SNX14: variants seen among roughly 807,000 people sequenced by gnomAD.
SNX14 encodes sorting nexin-14.
In SNX14, 93 loss-of-function variants were observed where a neutral mutation model predicts 133.8. The observed-to-expected ratio is 0.70, with a 90% confidence interval of 0.59 to 0.83. The LOEUF (loss-of-function observed/expected upper bound fraction) is 0.83. SNX14 is among the 40% of genes least tolerant of loss of function. SNX14 has a pLI of 0.00. For synonymous variants in SNX14, 368 were observed against 365.6 expected (o/e 1.01, Z -0.07); for missense variants, 945 against 1,094.9 (o/e 0.86, Z 1.93).
intron 4 of SNX14, among the ~76,000 whole-genome samples, chr6:85,570,651 G>A (rs1237694687): frequency 2.0e-5 from 3 of 151,912 alleles, no homozygotes; most frequent in Admixed American, 1.3e-4. Context: ...TCAGGAGTTC[G>A]AGACCAGCCT....
intron 26 of SNX14, among the ~76,000 whole-genome samples, chr6:85,511,755 T>C (rs965520508): frequency 4.9e-4 from 74 of 152,366 alleles, no homozygotes; most frequent in African/African-American, 1.8e-3. Context: ...TAAATCCCAC[T>C]TGGTGTATAA....
chr6:85,511,164 T>C (rs1295561965), intron 26 of SNX14, among the ~76,000 whole-genome samples: 1 of 149,130 alleles, frequency 6.7e-6, no homozygotes, highest in Non-Finnish European at 1.5e-5. Context: ...AGTATTCCAC[T>C]TTTGGGGGTG....
Position 85,518,051 on chromosome 6 carries a change from G to A in SNX14, c.2108-3C>T. On this transcript the variant is annotated splice_region_variant and splice_polypyrimidine_tract_variant and intron_variant, in intron 21 of 28. Transcript: ENST00000314673. ...AGGAACAGATTTTATAATTTTCCCT[G>A]CAATTAAAAGTAAAACATTATTTTA... is the stretch of plus-strand genomic sequence containing the variant. 2 of 1,600,202 alleles carry A rather than the reference G, an allele frequency of 1.2e-6. No individual in the cohort carries two copies. Among genetic ancestry groups the A allele is most frequent in the Non-Finnish European group, 1.7e-6 (2 of 1,171,382 alleles).
chr6:85,513,753 C>A, intron 26 of SNX14, 47 bp downstream of exon 26: 1 of 1,400,474 alleles, frequency 7.1e-7, no homozygotes, highest in Non-Finnish European at 1.0e-6. Context: ...GTGACCTCAA[C>A]GGACTGCTAA....
chr6:85,514,081 G>A lies in SNX14; in HGVS notation c.2546C>T (p.Thr849Ile). ...TAGAAAATACAAACCTCTGAGAAGT[G>A]TTATGAGTGAGACCAAACGGTGCTC... ...FQEHRLVSLI[T>I]LLRDAIFCEN... Residue 849 changes from threonine (T) to isoleucine (I), a missense_variant, in exon 25 of 29, where the codon ACA becomes ATA. Physicochemically the swap from Thr to Ile is moderately conservative, Grantham distance 89 (BLOSUM62 -1). Around this residue, in one of 3 missense-constraint regions of SNX14, gnomAD observed 412 missense variants for 516.6 expected, o/e 0.80. Coordinates refer to ENST00000314673, the MANE Select transcript of SNX14 (RefSeq NM_153816.6). 1.2e-6 allele frequency: 2 copies of A among 1,611,914 alleles called. No homozygotes were observed. Among genetic ancestry groups the A allele is most frequent in the Non-Finnish European group, 8.5e-7 (1 of 1,179,374 alleles).
chr6:85,548,279 A>T (rs182176556), intron 9 of SNX14, 22 bp downstream of exon 9: 31 of 1,505,378 alleles, frequency 2.1e-5, no homozygotes, highest in Admixed American at 1.2e-4. Context: ...GTAACAATTT[A>T]AAAAAAAATC....
chr6:85,545,403 C>T (rs993313278), intron 12 of SNX14, among the ~76,000 whole-genome samples: 2 of 151,992 alleles, frequency 1.3e-5, no homozygotes, highest in Admixed American at 6.6e-5. Flanking sequence ...AAACTATGTG[C>T]TGCTTACTAG....
At position 85,514,091 on chromosome 6, in the gene SNX14, A is replaced by G; in HGVS notation, c.2536T>C (p.Ser846Pro). ...AAACCTCTGAGAAGTGTTATGAGTGAGACCAAACGGTGCTCCTGAAATAGC... is the reference window on the plus strand; with the variant it reads ...AAACCTCTGAGAAGTGTTATGAGTGGGACCAAACGGTGCTCCTGAAATAGC... ...EQLFQEHRLVSLITLLRDAIF... is the reference protein window; with the variant it reads ...EQLFQEHRLVPLITLLRDAIF... The change falls in exon 25 of 29, where the codon TCA becomes CCA. Residue 846 changes from serine (S) to proline (P), a missense_variant. Transcript: ENST00000314673. The G allele has an allele frequency of 1.2e-6, 2 of 1,613,094 alleles. No individual in the cohort carries two copies. The highest frequency in any genetic ancestry group is 2.2e-5 in the South Asian group (2 of 90,768).
At chr6:85,568,870 C>A (rs998231323) in intron 4 of SNX14, among the ~76,000 whole-genome samples, 1 of 152,064 alleles carries the variant, frequency 6.6e-6, no homozygotes, top group Non-Finnish European at 1.5e-5. Context: ...CAGACTAGAA[C>A]GAGTTATCAT....
At chr6:85,563,762 T>C (rs760504840) in intron 6 of SNX14, among the ~76,000 whole-genome samples, 11 of 152,146 alleles carry the variant, frequency 7.2e-5, no homozygotes, top group Admixed American at 1.3e-4. Context: ...AACTGGAACA[T>C]GACTTTTTTC....
At position 85,530,088 on chromosome 6, in the gene SNX14, T is replaced by C. The variant is rs968804043; in HGVS notation, c.1894+104A>G. 16 of 645,182 alleles carry C rather than the reference T, an allele frequency of 2.5e-5. No homozygotes were observed. In the African/African-American group the frequency reaches 3.0e-4, roughly 12 times the overall value. The allele number at this position is 645,182 out of a possible 1,614,324, so 40.0% of individuals were successfully genotyped here. On this transcript the variant is annotated intron_variant, in intron 19 of 28. Transcript: ENST00000314673. Reference sequence around the variant, plus strand: ...GTATACACAAGCATCAATGTTGTATTTCTTGTATTTCAATTACTTAAAATA... The same window carrying C: ...GTATACACAAGCATCAATGTTGTATCTCTTGTATTTCAATTACTTAAAATA...
chr6:85,535,365 AAC>A (rs1473402324), intron 17 of SNX14, among the ~76,000 whole-genome samples: 1 of 152,054 alleles, frequency 6.6e-6, no homozygotes, highest in Admixed American at 6.5e-5. Context: ...CTGTAGTCTC[AAC>A]ACTTTGGGAC....
Position 85,517,812 on chromosome 6 carries a change from T to C in SNX14, c.2212A>G (p.Lys738Glu). Reference sequence around the variant, plus strand: ...ATGGTCAGTTCTGGTCTACTTGGTTTAGGCTTTGGAGACTCACAAGAATTA... The same window carrying C: ...ATGGTCAGTTCTGGTCTACTTGGTTCAGGCTTTGGAGACTCACAAGAATTA... ...FINSCESPKP[K>E]PSRPELTILS... Residue 738 changes from lysine (K) to glutamate (E), a missense_variant, in exon 23 of 29, where the codon AAA (lysine) becomes GAA (glutamate). Physicochemically the swap from Lys to Glu is moderately conservative, Grantham distance 56. Transcript: ENST00000314673. 2 of 1,612,192 alleles carry C rather than the reference T, an allele frequency of 1.2e-6. No individual in the cohort carries two copies. The highest frequency in any genetic ancestry group is 2.2e-5 in the South Asian group (2 of 90,488).
chr6:85,544,502 T>G (rs1784866672), intron 12 of SNX14, among the ~76,000 whole-genome samples: 2 of 152,142 alleles, frequency 1.3e-5, no homozygotes, highest in African/African-American at 4.8e-5. Context: ...CCAGGAATTT[T>G]CAAAATTGAT....
chr6:85,508,042 TA>T lies in SNX14; in HGVS notation c.2670del (p.Cys890Ter), dbSNP rs774694340. 65 of 1,612,764 alleles carry T rather than the reference TA, an allele frequency of 4.0e-5. No individual in the cohort carries two copies. The highest frequency in any genetic ancestry group is 5.4e-5 in the Non-Finnish European group (64 of 1,179,348). ...MNYIPDLLVK[C>X]IGEETKYESI... is the part of the protein sequence containing the mutation. ...CTTTCATACTTGGTTTCTTCACCAA[TA>T]CACTTGACTAACAGATCTAAACAAA... On this transcript the variant is annotated frameshift_variant, in exon 27 of 29. Coordinates refer to ENST00000314673, the MANE Select transcript of SNX14 (RefSeq NM_153816.6). LOFTEE classifies it high-confidence loss of function.
intron 3 of SNX14, 24 bp downstream of exon 3, chr6:85,572,274 C>G: frequency 1.2e-6 from 2 of 1,610,962 alleles, no homozygotes; most frequent in Non-Finnish European, 1.7e-6. Flanking sequence ...GAAGGATCAA[C>G]AAATAAAAAA....
At chr6:85,508,318 A>C in intron 26 of SNX14, 1 of 976,764 alleles carries the variant, frequency 1.0e-6, no homozygotes, top group Non-Finnish European at 1.2e-6. Context: ...GAAATGCTGC[A>C]GTAAAAAAAA....
chr6:85,565,155 G>A (rs1032042885), intron 6 of SNX14, among the ~76,000 whole-genome samples, 177 bp downstream of exon 6: 2 of 152,036 alleles, frequency 1.3e-5, no homozygotes, highest in Non-Finnish European at 1.5e-5. Context: ...AAATGCTTGA[G>A]GGATAGATAC....
At chr6:85,513,718 T>A (rs1773761604) in intron 26 of SNX14, 82 bp downstream of exon 26, 1 of 1,028,528 alleles carries the variant, frequency 9.7e-7, no homozygotes, top group Non-Finnish European at 1.4e-6. Flanking sequence ...CAGTAAAAAA[T>A]TAGCTTCAAT....
Sources: gnomAD v4.1 joint callset for allele counts (sites outside exome capture counted in the v4.1 genomes callset) on GRCh38, gnomAD v4.1.1 for gene constraint, gnomAD v4.1.1 regional missense constraint, MANE v1.5 for transcripts, NCBI Gene and HGNC (gene_info 2026-07-23, HGNC 2026-07-21) for gene names.